Variants in RINL observed in about 807,000 individuals in gnomAD.
The protein encoded by RINL is ras and Rab interactor-like protein.
A neutral mutation model predicts 58.1 loss-of-function variants in RINL; 39 were observed. The ratio of observed to expected loss-of-function variants is 0.67; its 90% CI spans 0.52 to 0.88. RINL has a LOEUF of 0.88. Among genes scored for constraint, RINL ranks in the 40% least tolerant of loss-of-function variants. RINL has a pLI of 0.00. For missense variants in RINL, 711 were observed against 749.2 expected, an observed-to-expected ratio of 0.95 and a Z score of 0.60; for synonymous variants, 286 against 323.1, an observed-to-expected ratio of 0.89 and a Z score of 1.23.
intron 1 of RINL, among the ~76,000 whole-genome samples, chr19:38,877,899 C>A (rs1972976377): frequency 6.6e-6 from 1 of 152,194 alleles, no homozygotes; most frequent in African/African-American, 2.4e-5. Context: ...AGGACAGGCT[C>A]CTCCCCTCAG....
chr19:38,876,776 T>G lies in RINL; in HGVS notation c.-34A>C, dbSNP rs1183086140. ...TGCAGGAAGCCAGTGAGTCATGACC[T>G]GGCCTCTGGCAGGGAGAAAGGTAAG... On this transcript the variant is annotated 5_prime_UTR_variant, in exon 2 of 12. Coordinates refer to ENST00000591812, the MANE Select transcript of RINL (RefSeq NM_001195833.2). The G allele has an allele frequency of 6.5e-7, 1 of 1,526,782 alleles. No homozygotes were observed. The highest frequency in any genetic ancestry group is 8.8e-7 in the Non-Finnish European group (1 of 1,138,480). 94.6% of individuals were successfully genotyped at this position (1,526,782 alleles called of 1,614,324 possible).
Position 38,871,004 on chromosome 19 carries a change from G to GA in RINL, c.602-13dup. On this transcript the variant is annotated splice_polypyrimidine_tract_variant and intron_variant, in intron 7 of 11. Transcript: ENST00000591812. The stretch of plus-strand genomic sequence containing the variant: ...AGGGTTCCTGGGGGCTGGAAGTGAG[G>GA]AGGGCATTCGGTCGCCTAGAACAGG... 4 of 1,588,936 alleles carry GA rather than the reference G, an allele frequency of 2.5e-6. No homozygotes were observed. Among genetic ancestry groups the GA allele is most frequent in the Non-Finnish European group, 3.4e-6 (4 of 1,169,564 alleles).
Position 38,876,764 on chromosome 19 carries a change from T to TG in RINL, c.-23dup. On this transcript the variant is annotated 5_prime_UTR_variant, in exon 2 of 12. The change abolishes the stop of an existing upstream ORF in the 5' untranslated region. Coordinates refer to ENST00000591812, the MANE Select transcript of RINL (RefSeq NM_001195833.2). ...CCATCGTCAGGTTGCAGGAAGCCAGTGAGTCATGACCTGGCCTCTGGCAGG... is the reference window on the plus strand; with the variant it reads ...CCATCGTCAGGTTGCAGGAAGCCAGTGGAGTCATGACCTGGCCTCTGGCAGG... The TG allele has an allele frequency of 6.5e-7, 1 of 1,534,550 alleles. No homozygotes were observed. The highest frequency in any genetic ancestry group is 8.7e-7 in the Non-Finnish European group (1 of 1,145,522).
At chr19:38,878,208 A>G (rs1972987711) in intron 1 of RINL, 24 bp downstream of exon 1, 1 of 151,636 alleles carries the variant, frequency 6.6e-6, no homozygotes, top group Non-Finnish European at 1.5e-5. Context: ...AAGATGCCAG[A>G]TGCTCGGTTC....
At position 38,869,196 on chromosome 19, in the gene RINL, A is replaced by G; in HGVS notation, c.1639-30T>C. ...GGGGAGAGGTGGGAGCTGGGTCAGA[A>G]GGGCACCAGGTCTCACCCTCCCTTC... On this transcript the variant is annotated intron_variant, in intron 11 of 11. Transcript: ENST00000591812. This position sits in a 1 kb window ranked among gnomAD's most constrained non-coding sequence, Gnocchi z 5.7. The G allele has an allele frequency of 6.2e-7, 1 of 1,614,142 alleles. No homozygotes were observed. The highest frequency in any genetic ancestry group is 2.2e-5 in the East Asian group (1 of 44,884).
chr19:38,869,774 T>C lies in RINL; in HGVS notation c.1343-70A>G. ...AGGCGCGTAGACACCTTCCATCCGA[T>C]CCCCAGGACCACGAGGGCTGGCTGC... On this transcript the variant is annotated intron_variant, in intron 9 of 11. Transcript: ENST00000591812. This position sits in a 1 kb window ranked among gnomAD's most constrained non-coding sequence, Gnocchi z 5.7. The C allele has an allele frequency of 1.9e-6, 3 of 1,596,496 alleles. No homozygotes were observed.
At chr19:38,875,404 G>A (rs775822624) in intron 3 of RINL, among the ~76,000 whole-genome samples, 5 of 151,486 alleles carry the variant, frequency 3.3e-5, no homozygotes, top group Admixed American at 6.6e-5. Flanking sequence ...GGCCGGGGAC[G>A]GTGGTTCACA....
intron 4 of RINL, among the ~76,000 whole-genome samples, chr19:38,872,655 A>G (rs1298537838): frequency 2.0e-5 from 3 of 151,556 alleles, no homozygotes; most frequent in African/African-American, 7.3e-5. Flanking sequence ...TGGGTGGATC[A>G]CTTGAGGTCA....
Position 38,876,367 on chromosome 19 carries a change from C to G in RINL, c.174G>C (p.Gln58His). 1 of 1,536,134 alleles carries G rather than the reference C, an allele frequency of 6.5e-7. No individual in the cohort carries two copies. The highest frequency in any genetic ancestry group is 8.7e-7 in the Non-Finnish European group (1 of 1,146,898). ...ACAGCCCCACAAGGGCCTCCGCATC[C>G]TGGGTATCCAGCTCTGGCACATGCC... ...GVWHVPELDT[Q>H]DAEALVGLWP... The change falls in exon 3 of 12, where the codon CAG becomes CAC. Residue 58 changes from glutamine (Q) to histidine (H), a missense_variant. Gln to His is a conservative substitution (Grantham distance 24). Transcript: ENST00000591812.
At position 38,869,654 on chromosome 19, in the gene RINL, A is replaced by G; in HGVS notation, c.1393T>C (p.Trp465Arg). The change falls in exon 10 of 12, where the codon TGG becomes CGG. Residue 465 changes from tryptophan (W) to arginine (R), a missense_variant. Coordinates refer to ENST00000591812, the MANE Select transcript of RINL (RefSeq NM_001195833.2). This position sits in a 1 kb window ranked among gnomAD's most constrained non-coding sequence, Gnocchi z 5.7. The part of the protein sequence containing the change: ...FLPALTEELI[W>R]SPDIGDTQLD... ...TGCGTGTCCCCAATGTCCGGGCTCC[A>G]GATGAGTTCCTCGGTCAGCGCCGGC... is the stretch of plus-strand genomic sequence containing the variant. 1 of 1,613,970 alleles carries G rather than the reference A, an allele frequency of 6.2e-7. No homozygotes were observed. Among genetic ancestry groups the G allele is most frequent in the Non-Finnish European group, 8.5e-7 (1 of 1,180,004 alleles).
intron 1 of RINL, among the ~76,000 whole-genome samples, chr19:38,877,816 C>T (rs1436955792): frequency 1.3e-5 from 2 of 151,898 alleles, no homozygotes; most frequent in Non-Finnish European, 1.5e-5. Flanking sequence ...TCCTTCCTTC[C>T]TTCCATCCAT....
At position 38,871,671 on chromosome 19, in the gene RINL, G is replaced by A. The variant is rs148295876; in HGVS notation, c.427C>T (p.Leu143=). 3.4e-4 allele frequency: 546 copies of A among 1,614,098 alleles called. 2 individuals carry two copies. In the South Asian group the frequency reaches 4.5e-3, roughly 13 times the overall value. The change falls in exon 6 of 12, where the codon CTA becomes TTA. Residue 143 remains leucine (L), a synonymous_variant. Transcript: ENST00000591812. ...CCTGTGTGTTCATCTCTGGGCCCTA[G>A]AGTGGGAGGGGGCAAGAGCAGGGTT... ...PRTLLLPPPT[L]GPRDEHTDPV...
rs1291023179 is a variant in RINL, at chr19:38,871,653, G to A, written c.445C>T (p.His149Tyr). The A allele has an allele frequency of 3.1e-6, 5 of 1,613,862 alleles. No individual in the cohort carries two copies. The highest frequency in any genetic ancestry group is 1.7e-5 in the Admixed American group (1 of 60,012). The change falls in exon 6 of 12, where the codon CAC (histidine) becomes TAC (tyrosine). Residue 149 changes from histidine (H) to tyrosine (Y), a missense_variant. By Grantham distance (83) the His-to-Tyr change is moderately conservative. Coordinates refer to ENST00000591812, the MANE Select transcript of RINL (RefSeq NM_001195833.2). The stretch of plus-strand genomic sequence containing the variant: ...TTAGAGAACCGTGCCTCACCTGTGT[G>A]TTCATCTCTGGGCCCTAGAGTGGGA... ...PPPTLGPRDEHTDPVQIGRVQ... is the reference protein window; with the variant it reads ...PPPTLGPRDEYTDPVQIGRVQ...
intron 7 of RINL, 35 bp from the exon 8 acceptor site, chr19:38,871,027 AG>A (rs1056571493): frequency 6.3e-7 from 1 of 1,579,350 alleles, no homozygotes. Flanking sequence ...CGCCTAGAAC[AG>A]GGGCAGCAGC....
rs1199250702 is a variant in RINL at position 38,870,125 on chromosome 19, G to GC, written c.1159dup (p.Ala387GlyfsTer101). On this transcript the variant is annotated frameshift_variant, in exon 9 of 12. Coordinates refer to ENST00000591812, the MANE Select transcript of RINL (RefSeq NM_001195833.2). LOFTEE classifies it high-confidence loss of function. This position sits in a 1 kb window ranked among gnomAD's most constrained non-coding sequence, Gnocchi z 5.8. ...CGGCCCCTGTGCCCCCGGAGGCCCC[G>GC]CCCCCGCCCGCAGGGCTGTCTGTCG... 1.4e-6 allele frequency: 2 copies of GC among 1,420,408 alleles called. No homozygotes were observed. Among genetic ancestry groups the GC allele is most frequent in the Admixed American group, 6.4e-5 (2 of 31,070 alleles). The allele number at this position is 1,420,408 out of a possible 1,614,324, so 88.0% of individuals were successfully genotyped here. A position where few individuals can be genotyped will look rare whatever the true frequency, so the allele number is the denominator to read the frequency against.
At chr19:38,877,333 A>G (rs868022599) in intron 1 of RINL, among the ~76,000 whole-genome samples, 3 of 152,166 alleles carry the variant, frequency 2.0e-5, no homozygotes, top group African/African-American at 4.8e-5. Flanking sequence ...CTGAAGTGGT[A>G]GGAAATATGT....
chr19:38,875,786 G>A (rs1054197387), intron 3 of RINL, among the ~76,000 whole-genome samples: 9 of 152,234 alleles, frequency 5.9e-5, no homozygotes, highest in Admixed American at 2.6e-4. Flanking sequence ...TGGGCCTGGG[G>A]CAGCCCCCGG....
At chr19:38,872,380 G>T (rs1972833859) in intron 4 of RINL, among the ~76,000 whole-genome samples, 1 of 151,830 alleles carries the variant, frequency 6.6e-6, no homozygotes, top group Admixed American at 6.6e-5. Context: ...CAGATACTTG[G>T]GAGCCTGAGG....
chr19:38,871,557 C>T, intron 6 of RINL, 90 bp downstream of exon 6: 1 of 1,220,118 alleles, frequency 8.2e-7, no homozygotes, highest in Non-Finnish European at 1.2e-6. Flanking sequence ...TCCTCAAACC[C>T]AGTAGTCTGG....
Sources: allele counts gnomAD v4.1 joint callset (sites outside exome capture counted in the v4.1 genomes callset), GRCh38; gene constraint gnomAD v4.1.1; non-coding constraint Gnocchi (gnomAD v3.1); transcripts MANE v1.5; gene names NCBI Gene and HGNC (gene_info 2026-07-23, HGNC 2026-07-21).